Variants in ST3GAL3 observed in about 807,000 individuals in gnomAD.
The protein encoded by ST3GAL3 is ST3 beta-galactoside alpha-2,3-sialyltransferase 3.
ST3GAL3 carries 21 observed loss-of-function variants against 50.1 expected under a neutral mutation model. That is an observed-to-expected ratio of 0.42 (90% CI 0.30 to 0.60). The LOEUF is 0.60. Ranked by LOEUF, ST3GAL3 falls within the 20% of genes least tolerant of loss-of-function variation. The pLI, the probability that ST3GAL3 is intolerant of heterozygous loss-of-function variation, is 0.19. For synonymous variants in ST3GAL3, 183 were observed against 190.0 expected, an observed-to-expected ratio of 0.96 and a Z score of 0.30; for missense variants, 353 against 489.4, an observed-to-expected ratio of 0.72 and a Z score of 2.63.
chr1:43,869,651 A>G (rs2906460), intron 5 of ST3GAL3, among the ~76,000 whole-genome samples: 129,905 of 152,110 alleles, frequency 0.85, 55,717 homozygotes, highest in East Asian at 0.91. Flanking sequence ...TGCCAAGCTC[A>G]CTCCCTTCCC....
intron 11 of ST3GAL3, among the ~76,000 whole-genome samples, chr1:43,924,959 C>T (rs1345981622): frequency 1.3e-5 from 2 of 152,090 alleles, no homozygotes; most frequent in African/African-American, 4.8e-5. Context: ...AGGCTCCCAG[C>T]ATCTGCTGCA....
chr1:43,820,781 C>T (rs1028110288), intron 4 of ST3GAL3, among the ~76,000 whole-genome samples: 2 of 152,126 alleles, frequency 1.3e-5, no homozygotes, highest in Non-Finnish European at 2.9e-5. Context: ...TTGAAGAAGG[C>T]AGAACTTTTT....
intron 9 of ST3GAL3, among the ~76,000 whole-genome samples, chr1:43,917,482 A>T (rs1194650329): frequency 1.7e-4 from 14 of 81,136 alleles, no homozygotes; most frequent in Admixed American, 4.6e-4. Flanking sequence ...TAATATATAT[A>T]ATATATAATA....
chr1:43,883,810 C>T (rs1163643602), intron 5 of ST3GAL3, among the ~76,000 whole-genome samples: 1 of 152,204 alleles, frequency 6.6e-6, no homozygotes, highest in Admixed American at 6.5e-5. Context: ...TTATGGTTCT[C>T]TTCTCTTCTG....
At chr1:43,767,100 T>TAG (rs1693350736) in intron 2 of ST3GAL3, among the ~76,000 whole-genome samples, 1 of 152,100 alleles carries the variant, frequency 6.6e-6, no homozygotes, top group African/African-American at 2.4e-5. Flanking sequence ...GTGTGGAGGC[T>TAG]AGATTGCGAG....
At chr1:43,903,021 C>T (rs1176668044) in intron 9 of ST3GAL3, among the ~76,000 whole-genome samples, 1 of 152,122 alleles carries the variant, frequency 6.6e-6, no homozygotes, top group Non-Finnish European at 1.5e-5. Context: ...CAAAAGAAGG[C>T]CTCTTGGAGG....
At chr1:43,731,378 ATTTTTTT>A (rs4019073) in intron 1 of ST3GAL3, among the ~76,000 whole-genome samples, 6 of 69,852 alleles carry the variant, frequency 8.6e-5, no homozygotes, top group Admixed American at 3.5e-4. Context: ...CACCCAGCTA[ATTTTTTT>A]TTTTTTTTTT....
chr1:43,784,046 G>C (rs1429362828), intron 2 of ST3GAL3, among the ~76,000 whole-genome samples: 2 of 152,088 alleles, frequency 1.3e-5, no homozygotes, highest in South Asian at 2.1e-4. Context: ...AGTTAGGTAT[G>C]ATTTTACCTT....
At chr1:43,909,864 G>A (rs2080488974) in intron 9 of ST3GAL3, among the ~76,000 whole-genome samples, 1 of 152,198 alleles carries the variant, frequency 6.6e-6, no homozygotes, top group Non-Finnish European at 1.5e-5. Flanking sequence ...AAGATAACTA[G>A]TAAACAACAG....
intron 2 of ST3GAL3, among the ~76,000 whole-genome samples, chr1:43,787,727 T>C (rs965361682): frequency 2.0e-5 from 3 of 152,234 alleles, no homozygotes; most frequent in Non-Finnish European, 4.4e-5. Flanking sequence ...TCTTAAGTGC[T>C]TATGAAGTGG....
intron 1 of ST3GAL3, among the ~76,000 whole-genome samples, chr1:43,709,146 T>A (rs1300055339): frequency 6.6e-6 from 1 of 152,116 alleles, no homozygotes; most frequent in East Asian, 1.9e-4. Flanking sequence ...AGTGAGCAGA[T>A]GAGAAAGTGA....
chr1:43,786,847 A>G (rs2057407059), intron 2 of ST3GAL3, among the ~76,000 whole-genome samples: 1 of 152,014 alleles, frequency 6.6e-6, no homozygotes, highest in African/African-American at 2.4e-5. Context: ...CTTTATATGT[A>G]TTTTTATTTT....
rs563673384 is a variant in ST3GAL3 at position 43,797,571 on chromosome 1, C to T, written c.166+5422C>T. Reference sequence around the variant, plus strand: ...TGGTCTTATTAATTGATGAAGAAAACGCATTTGACAGAATTCAACATCTAT... The same window carrying T: ...TGGTCTTATTAATTGATGAAGAAAATGCATTTGACAGAATTCAACATCTAT... On this transcript the variant is annotated intron_variant, in intron 3 of 11. Transcript: ENST00000347631. 2.0e-5 allele frequency among the ~76,000 whole-genome samples: 3 copies of T among 152,172 alleles called. No individual in the cohort carries two copies. The East Asian group carries it at 5.8e-4, about 29-fold the overall frequency.
At chr1:43,766,496 G>A (rs1693037527) in intron 2 of ST3GAL3, among the ~76,000 whole-genome samples, 1 of 152,168 alleles carries the variant, frequency 6.6e-6, no homozygotes, top group African/African-American at 2.4e-5. Context: ...CTGGCGGTTG[G>A]GGTAGGACAT....
chr1:43,839,529 C>G (rs993745618), intron 5 of ST3GAL3: 4 of 152,006 alleles, frequency 2.6e-5, no homozygotes, highest in Non-Finnish European at 5.9e-5. Flanking sequence ...ACAAAAAAAC[C>G]TCAAACAGTA....
intron 3 of ST3GAL3, among the ~76,000 whole-genome samples, chr1:43,793,954 G>A (rs931614658): frequency 3.4e-4 from 51 of 151,978 alleles, no homozygotes; most frequent in Non-Finnish European, 2.5e-4. Context: ...GCACGGTGGC[G>A]TGTGCCTGTA....
intron 4 of ST3GAL3, among the ~76,000 whole-genome samples, chr1:43,816,199 A>G (rs2061225807): frequency 6.6e-6 from 1 of 152,082 alleles, no homozygotes; most frequent in African/African-American, 2.4e-5. Context: ...GACCTTTTCC[A>G]CAGTTGACTC....
intron 11 of ST3GAL3, among the ~76,000 whole-genome samples, chr1:43,925,385 C>T (rs2083742015): frequency 6.6e-6 from 1 of 151,718 alleles, no homozygotes; most frequent in African/African-American, 2.4e-5. Context: ...CCTGCATTTC[C>T]TTATCTATGA....
chr1:43,804,373 G>A (rs1471655849), intron 3 of ST3GAL3, among the ~76,000 whole-genome samples: 1 of 152,140 alleles, frequency 6.6e-6, no homozygotes, highest in Non-Finnish European at 1.5e-5. Context: ...TCCTAAAGAT[G>A]ATGCTTAAAT....
Sources: allele counts gnomAD v4.1 joint callset (sites outside exome capture counted in the v4.1 genomes callset), GRCh38; gene constraint gnomAD v4.1.1; transcripts MANE v1.5; gene names NCBI Gene and HGNC (gene_info 2026-07-23, HGNC 2026-07-21).